DGKI: variants seen among roughly 807,000 people sequenced by gnomAD.
The protein encoded by DGKI is DAG kinase iota.
Under a neutral mutation model 147.5 loss-of-function variants are expected in DGKI, and 55 were observed. The ratio of observed to expected loss-of-function variants is 0.37; its 90% CI spans 0.30 to 0.47. DGKI has a LOEUF of 0.47. Ranked by LOEUF, DGKI falls within the 20% of genes least tolerant of loss-of-function variation. DGKI has a pLI of 1.00. For missense variants in DGKI, 1,007 were observed against 1,323.8 expected (o/e 0.76, Z 3.71); for synonymous variants, 469 against 477.1 (o/e 0.98, Z 0.22).
At chr7:137,697,951 T>C (rs912993892) in intron 1 of DGKI, among the ~76,000 whole-genome samples, 22 of 151,730 alleles carry the variant, frequency 1.4e-4, no homozygotes, top group Non-Finnish European at 2.6e-4. Context: ...GCTATCTATC[T>C]ATCTATCTGG....
At chr7:137,731,167 T>C (rs1437779888) in intron 1 of DGKI, among the ~76,000 whole-genome samples, 3 of 152,076 alleles carry the variant, frequency 2.0e-5, no homozygotes, top group Admixed American at 1.3e-4. Flanking sequence ...ACTAGTATTA[T>C]ATCTCTGTTC....
At chr7:137,693,810 G>A (rs1030322198) in intron 1 of DGKI, among the ~76,000 whole-genome samples, 3 of 152,192 alleles carry the variant, frequency 2.0e-5, no homozygotes, top group Non-Finnish European at 2.9e-5. Context: ...TCTTGCCTGA[G>A]AGAGTCAGAA....
intron 21 of DGKI, among the ~76,000 whole-genome samples, chr7:137,493,073 C>A (rs1168711469): frequency 6.6e-6 from 1 of 152,298 alleles, no homozygotes; most frequent in East Asian, 1.9e-4. Flanking sequence ...CTACCCTTCC[C>A]TGCTGGGACG....
chr7:137,395,873 C>G, intron 31 of DGKI, 176 bp from the exon 32 acceptor site: 4 of 574,450 alleles, frequency 7.0e-6, no homozygotes, highest in Non-Finnish European at 1.2e-5. Flanking sequence ...ATTCCTTGAG[C>G]TAGCCATCAA....
At chr7:137,605,380 A>AAAATAAAATAAAATAAAAT (rs1563108336) in intron 10 of DGKI, among the ~76,000 whole-genome samples, 64 of 128,764 alleles carry the variant, frequency 5.0e-4, no homozygotes, top group African/African-American at 1.9e-3. Flanking sequence ...TAAAATAAAA[A>AAAATAAAATAAAATAAAAT]AAGTTGAAAT....
At chr7:137,669,143 C>T (rs75612548) in intron 3 of DGKI, among the ~76,000 whole-genome samples, 2,544 of 152,252 alleles carry the variant, frequency 0.017, 66 homozygotes, top group African/African-American at 0.059. Flanking sequence ...AAAGCTCACA[C>T]GCTTCATCAA....
intron 1 of DGKI, among the ~76,000 whole-genome samples, chr7:137,704,586 G>A (rs1793951746): frequency 2.6e-5 from 4 of 152,058 alleles, no homozygotes; most frequent in Non-Finnish European, 5.9e-5. Flanking sequence ...AGAGAAAAGG[G>A]GGCAAAAAGA....
chr7:137,770,833 C>T (rs974246325), intron 1 of DGKI, among the ~76,000 whole-genome samples: 1 of 151,788 alleles, frequency 6.6e-6, no homozygotes, highest in Admixed American at 6.5e-5. Flanking sequence ...GCGCCCGGCC[C>T]TCAGTGGGTT....
intron 19 of DGKI, among the ~76,000 whole-genome samples, chr7:137,557,524 TA>T (rs1183758215): frequency 4.6e-5 from 7 of 151,944 alleles, no homozygotes; most frequent in African/African-American, 1.5e-4. Context: ...TAGAGAAAAA[TA>T]AAATCAGTAT....
Position 137,391,222 on chromosome 7 carries a change from A to T in DGKI, c.3172T>A (p.Ter1058ArgextTer63). The change falls in exon 33 of 33, where the codon TGA (stop) becomes AGA (arginine). Residue 1058 changes from the stop codon to arginine (R), a stop_lost. Coordinates refer to ENST00000614521, the MANE Select transcript of DGKI (RefSeq NM_001321708.2). ...TCCTCTTTGCCCGAATACCAGGGTC[A>T]AACAGCAGTTTCCAGGTCCTCATGG... ...IGHEDLETAV[*>R] 6.2e-7 allele frequency: 1 copy of T among 1,613,338 alleles called. No homozygotes were observed. The highest frequency in any genetic ancestry group is 8.5e-7 in the Non-Finnish European group (1 of 1,179,300).
intron 6 of DGKI, among the ~76,000 whole-genome samples, chr7:137,642,268 GCTGGGTATCTA>G (rs34213877): frequency 0.14 from 21,462 of 152,100 alleles, 4,582 homozygotes; most frequent in African/African-American, 0.46. Context: ...GATATGTGGA[GCTGGGTATCTA>G]CTGGGTATCT....
At chr7:137,691,798 G>GTTTTTTTTTTTTGTTTTTTTTTTTT (rs1823613352) in intron 1 of DGKI, among the ~76,000 whole-genome samples, 1 of 95,816 alleles carries the variant, frequency 1.0e-5, no homozygotes, top group Admixed American at 1.4e-4. Flanking sequence ...AGACCTTTGG[G>GTTTTTTTTTTTTGTTTTTTTTTTTT]TTTTTTTTTT....
intron 3 of DGKI, among the ~76,000 whole-genome samples, chr7:137,660,975 C>T (rs1035413002): frequency 2.0e-5 from 3 of 152,028 alleles, no homozygotes; most frequent in Admixed American, 6.6e-5. Flanking sequence ...TTTTGCTGCC[C>T]AAGGTAAGTA....
At position 137,571,229 on chromosome 7, in the gene DGKI, A is replaced by T; in HGVS notation, c.1893T>A (p.Pro631=). The change falls in exon 19 of 33, where the codon CCT becomes CCA. Residue 631 remains proline, a synonymous_variant. Transcript: ENST00000614521. ...CAATATAACCATCATCATGACGCTG[A>T]GGTTCGAAATCATGGTGATCACCTG... ...GNPGDHHDFE[P]QRHDDGYIEV... is the part of the protein sequence containing the mutation. 6.2e-7 allele frequency: 1 copy of T among 1,613,288 alleles called. No homozygotes were observed.
At chr7:137,522,577 T>C (rs965589470) in intron 20 of DGKI, among the ~76,000 whole-genome samples, 2 of 152,066 alleles carry the variant, frequency 1.3e-5, no homozygotes, top group African/African-American at 2.4e-5. Flanking sequence ...ATATGTACAG[T>C]GTCCTTTCTT....
chr7:137,492,602 A>G (rs1460630953), intron 21 of DGKI, among the ~76,000 whole-genome samples: 1 of 152,116 alleles, frequency 6.6e-6, no homozygotes, highest in Non-Finnish European at 1.5e-5. Flanking sequence ...TTAAGCTGGA[A>G]GGGATAGTTG....
At chr7:137,421,995 T>C (rs1812590903) in intron 28 of DGKI, among the ~76,000 whole-genome samples, 1 of 152,222 alleles carries the variant, frequency 6.6e-6, no homozygotes, top group East Asian at 1.9e-4. Context: ...GTAAATCTCA[T>C]GGTGTTTGTT....
intron 8 of DGKI, 110 bp from the exon 9 acceptor site, chr7:137,609,719 TCTC>T (rs1449023986): frequency 4.3e-6 from 3 of 701,174 alleles, no homozygotes; most frequent in South Asian, 1.7e-5. Context: ...ACTGCATGCT[TCTC>T]ATGCTTTCAC....
chr7:137,457,840 A>G (rs71541350), intron 27 of DGKI, among the ~76,000 whole-genome samples: 7,217 of 152,220 alleles, frequency 0.047, 205 homozygotes, highest in Middle Eastern at 0.11. Context: ...AGAACACTTA[A>G]TAAGCCTATT....
Sources: gnomAD v4.1 joint callset for allele counts (sites outside exome capture counted in the v4.1 genomes callset) on GRCh38, gnomAD v4.1.1 for gene constraint, MANE v1.5 for transcripts, NCBI Gene and HGNC (gene_info 2026-07-23, HGNC 2026-07-21) for gene names.